The following SYN3 variants were observed in gnomAD, a reference collection of about 807,000 sequenced individuals.
The protein encoded by SYN3 is synapsin-3.
Under a neutral mutation model 65.8 loss-of-function variants are expected in SYN3, and 35 were observed. The ratio of observed to expected loss-of-function variants is 0.53; its 90% CI spans 0.41 to 0.70. The LOEUF (loss-of-function observed/expected upper bound fraction) is 0.70. Ranked by LOEUF, SYN3 falls within the 30% of genes least tolerant of loss-of-function variation. The pLI is 0.00. For synonymous variants in SYN3, 270 were observed against 292.9 expected, an observed-to-expected ratio of 0.92 and a Z score of 0.80; for missense variants, 680 against 749.0, an observed-to-expected ratio of 0.91 and a Z score of 1.08.
Position 32,538,139 on chromosome 22 carries a change from G to T in SYN3, c.918-29C>A, listed in dbSNP as rs776777200. 5.6e-6 allele frequency: 9 copies of T among 1,604,584 alleles called. No individual in the cohort carries two copies. In the South Asian group the frequency reaches 8.8e-5, roughly 16 times the overall value. ...TACCAGAACAAACAACACATTGAGGGAATTAGGGACCCTCGTCACTGATCT... is the reference window on the plus strand; with the variant it reads ...TACCAGAACAAACAACACATTGAGGTAATTAGGGACCCTCGTCACTGATCT... On this transcript the variant is annotated intron_variant, in intron 8 of 13. Transcript: ENST00000358763.
At chr22:32,759,401 G>A (rs1348973262) in intron 6 of SYN3, among the ~76,000 whole-genome samples, 2 of 152,116 alleles carry the variant, frequency 1.3e-5, no homozygotes. Flanking sequence ...ACTATTAGTT[G>A]ACCATGAAAA....
intron 13 of SYN3, among the ~76,000 whole-genome samples, chr22:32,516,143 G>T (rs965804207): frequency 2.6e-5 from 4 of 152,066 alleles, no homozygotes; most frequent in African/African-American, 4.8e-5. Flanking sequence ...GAATGGTGTT[G>T]ATAGTGAATA....
chr22:32,974,489 G>A (rs986779960), intron 3 of SYN3, among the ~76,000 whole-genome samples: 4 of 152,136 alleles, frequency 2.6e-5, no homozygotes, highest in East Asian at 1.9e-4. Context: ...TTCTTCCTCC[G>A]GACTAAACAT....
intron 7 of SYN3, among the ~76,000 whole-genome samples, chr22:32,595,949 C>A (rs2059192828): frequency 6.6e-6 from 1 of 152,166 alleles, no homozygotes; most frequent in Admixed American, 6.5e-5. Flanking sequence ...TTATGGCACA[C>A]ACCTGCAGTC....
At chr22:32,638,918 G>A (rs1259259977) in intron 6 of SYN3, among the ~76,000 whole-genome samples, 1 of 152,042 alleles carries the variant, frequency 6.6e-6, no homozygotes, top group East Asian at 1.9e-4. Context: ...GTGTTTCCTA[G>A]GTTTTCTTCT....
At chr22:32,905,053 A>G (rs185792729) in intron 4 of SYN3, among the ~76,000 whole-genome samples, 2 of 152,338 alleles carry the variant, frequency 1.3e-5, no homozygotes, top group Admixed American at 1.3e-4. Flanking sequence ...TTTCTCATCT[A>G]TAAAACCACA....
chr22:32,854,546 A>T (rs2048310793), intron 6 of SYN3, among the ~76,000 whole-genome samples: 1 of 152,162 alleles, frequency 6.6e-6, no homozygotes, highest in Admixed American at 6.5e-5. Context: ...ACACCCACAC[A>T]AAAATAAGAA....
intron 4 of SYN3, among the ~76,000 whole-genome samples, chr22:32,903,716 G>A (rs1328326306): frequency 6.6e-6 from 1 of 152,224 alleles, no homozygotes; most frequent in African/African-American, 2.4e-5. Flanking sequence ...ATCCTTTCAG[G>A]ATGTCTCAGG....
chr22:33,053,431 A>C (rs553209805), intron 1 of SYN3, among the ~76,000 whole-genome samples: 2 of 152,310 alleles, frequency 1.3e-5, no homozygotes, highest in Non-Finnish European at 2.9e-5. Flanking sequence ...TTTCAAAAAA[A>C]AGGATAAGTC....
chr22:32,677,023 T>C (rs1339135235), intron 6 of SYN3, among the ~76,000 whole-genome samples: 2 of 152,224 alleles, frequency 1.3e-5, no homozygotes, highest in African/African-American at 4.8e-5. Flanking sequence ...CTAATCAGTA[T>C]GGTTTCAAAG....
chr22:32,732,613 C>T (rs1206113837), intron 6 of SYN3, among the ~76,000 whole-genome samples: 8 of 152,170 alleles, frequency 5.3e-5, no homozygotes, highest in African/African-American at 1.9e-4. Context: ...CCCTGGACAT[C>T]GTAATTTCAT....
At chr22:32,608,125 T>G (rs1284940838) in intron 6 of SYN3, among the ~76,000 whole-genome samples, 2 of 152,216 alleles carry the variant, frequency 1.3e-5, no homozygotes, top group African/African-American at 4.8e-5. Flanking sequence ...TGGAGTGCAG[T>G]GGTGTGATCT....
At chr22:33,040,485 C>T (rs941181733) in intron 1 of SYN3, among the ~76,000 whole-genome samples, 3 of 152,202 alleles carry the variant, frequency 2.0e-5, no homozygotes, top group African/African-American at 7.2e-5. Flanking sequence ...AATCCACTTC[C>T]ATATCACTGA....
At chr22:32,869,367 T>TCTCTCTCTCTCTCTCACA (rs61464794) in intron 4 of SYN3, among the ~76,000 whole-genome samples, 12 of 142,360 alleles carry the variant, frequency 8.4e-5, no homozygotes, top group East Asian at 2.2e-4. Context: ...TCTCTCTCTC[T>TCTCTCTCTCTCTCTCACA]CACAGGCTCT....
At chr22:32,914,996 G>A (rs373702620) in intron 4 of SYN3, among the ~76,000 whole-genome samples, 1 of 152,116 alleles carries the variant, frequency 6.6e-6, no homozygotes, top group Non-Finnish European at 1.5e-5. Context: ...TTCAGGGACC[G>A]GACAGTCTGG....
chr22:32,556,642 TA>T (rs1215180440), intron 7 of SYN3, among the ~76,000 whole-genome samples: 1 of 151,976 alleles, frequency 6.6e-6, no homozygotes, highest in African/African-American at 2.4e-5. Flanking sequence ...CCTCTAACAG[TA>T]AATAACAGAA....
At chr22:32,740,861 A>G (rs1032233068) in intron 6 of SYN3, among the ~76,000 whole-genome samples, 2 of 152,232 alleles carry the variant, frequency 1.3e-5, no homozygotes, top group African/African-American at 4.8e-5. Context: ...GTTAGCCAAC[A>G]GATCCCAGTA....
intron 5 of SYN3, among the ~76,000 whole-genome samples, chr22:32,866,206 G>C (rs1266604744): frequency 6.6e-6 from 1 of 152,184 alleles, no homozygotes; most frequent in African/African-American, 2.4e-5. Flanking sequence ...AGTGGTTAAA[G>C]GAGTGGCCAA....
intron 2 of SYN3, 112 bp downstream of exon 2, chr22:33,006,240 T>G: frequency 7.8e-7 from 1 of 1,285,732 alleles, no homozygotes; most frequent in East Asian, 2.3e-5. Context: ...AGCCAGGCTC[T>G]GATAGCACCC....
Sources: allele counts gnomAD v4.1 joint callset (sites outside exome capture counted in the v4.1 genomes callset), GRCh38; gene constraint gnomAD v4.1.1; transcripts MANE v1.5; gene names NCBI Gene and HGNC (gene_info 2026-07-23, HGNC 2026-07-21).